The following MTRF1 variants were observed in gnomAD, a reference collection of about 807,000 sequenced individuals.
MTRF1 encodes peptide chain release factor 1, mitochondrial.
Under a neutral mutation model 62.9 loss-of-function variants are expected in MTRF1, and 51 were observed. The observed-to-expected ratio is 0.81, with a 90% CI of 0.65 to 1.02. MTRF1 has a LOEUF of 1.02. Among genes scored for constraint, MTRF1 ranks in the 50% least tolerant of loss-of-function variants. The pLI is 0.00. For missense variants in MTRF1, 446 were observed against 530.0 expected, an observed-to-expected ratio of 0.84 and a Z score of 1.56; for synonymous variants, 158 against 181.9, an observed-to-expected ratio of 0.87 and a Z score of 1.06.
chr13:41,242,972 GC>G lies in MTRF1; in HGVS notation c.698-2540del, dbSNP rs2037727816. On this transcript the variant is annotated intron_variant, in intron 5 of 9. Coordinates refer to ENST00000379480, the MANE Select transcript of MTRF1 (RefSeq NM_004294.4). ...GCTGTGGCTCACACCTGTAGTCCCAGCACTTTGGGAGGCCGAGGCGGGCAGA... is the reference window on the plus strand; with the variant it reads ...GCTGTGGCTCACACCTGTAGTCCCAGACTTTGGGAGGCCGAGGCGGGCAGA... 2.6e-5 allele frequency among the ~76,000 whole-genome samples: 4 copies of G among 152,244 alleles called. No homozygotes were observed. The South Asian group carries it at 8.3e-4, about 32-fold the overall frequency.
At chr13:41,273,286 A>G in the MTRF1 span, among the ~76,000 whole-genome samples, 8 of 151,282 alleles carry the variant, frequency 5.3e-5, no homozygotes, top group Non-Finnish European at 1.0e-4. Context: ...AGATCGCGCC[A>G]CTGCACTCCA....
At chr13:41,289,507 A>G in the MTRF1 span, among the ~76,000 whole-genome samples, 5 of 152,322 alleles carry the variant, frequency 3.3e-5, no homozygotes, top group East Asian at 9.6e-4. Context: ...AAGTGCTAGG[A>G]TTACAGGCGT....
Position 41,240,370 on chromosome 13 carries a change from T to C in MTRF1, c.761A>G (p.Glu254Gly), listed in dbSNP as rs759875454. 3.3e-5 allele frequency: 54 copies of C among 1,613,692 alleles called. No individual in the cohort carries two copies. In the South Asian group the frequency reaches 5.5e-4, roughly 16 times the overall value. ...GDGVYKHLKY[E>G]GGIHRVQRIP... ...GCGCTGAACTCGGTGAATCCCACCC[T>C]CATACTTCAAATGCTTATAGACACC... Residue 254 changes from glutamate (E) to glycine (G), a missense_variant, in exon 6 of 10, where the codon GAG (glutamate) becomes GGG (glycine). Physicochemically the swap from Glu to Gly is moderately conservative, Grantham distance 98 (BLOSUM62 -2). Coordinates refer to ENST00000379480, the MANE Select transcript of MTRF1 (RefSeq NM_004294.4).
At chr13:41,221,411 G>T (rs2033338080) in intron 9 of MTRF1, among the ~76,000 whole-genome samples, 1 of 152,008 alleles carries the variant, frequency 6.6e-6, no homozygotes, top group African/African-American at 2.4e-5. Flanking sequence ...GCCCACCTCG[G>T]CCTCCCAAAG....
chr13:41,246,237 T>C (rs773983277), intron 5 of MTRF1, among the ~76,000 whole-genome samples: 17 of 152,134 alleles, frequency 1.1e-4, no homozygotes, highest in Admixed American at 9.8e-4. Flanking sequence ...TCTATGGCAA[T>C]TGGTGGTTTG....
intron 9 of MTRF1, among the ~76,000 whole-genome samples, chr13:41,222,952 T>C (rs1337562493): frequency 5.3e-5 from 8 of 152,226 alleles, no homozygotes; most frequent in African/African-American, 1.9e-4. Context: ...TGGTAATTTG[T>C]TACCTGTCAA....
chr13:41,226,330 C>T, intron 8 of MTRF1, 102 bp downstream of exon 8: 1 of 1,207,384 alleles, frequency 8.3e-7, no homozygotes. Flanking sequence ...TTTCTCTATG[C>T]TCTAAAACAT....
chr13:41,239,078 G>A (rs1433324018), intron 6 of MTRF1, among the ~76,000 whole-genome samples: 1 of 151,638 alleles, frequency 6.6e-6, no homozygotes, highest in East Asian at 1.9e-4. Flanking sequence ...ATTGTAATGT[G>A]TGAAACTTGA....
chr13:41,283,739 G>A, the MTRF1 span, among the ~76,000 whole-genome samples: 94 of 151,192 alleles, frequency 6.2e-4, no homozygotes, highest in African/African-American at 2.0e-3. Context: ...ACAGGCGCCC[G>A]CCACTACGCC....
chr13:41,311,500 C>T, the MTRF1 span: 22 of 1,579,170 alleles, frequency 1.4e-5, no homozygotes, highest in Non-Finnish European at 1.6e-5. Context: ...AGCCTCCCTG[C>T]CGGCCACCTA....
the MTRF1 span, among the ~76,000 whole-genome samples, chr13:41,279,362 C>A: frequency 6.6e-6 from 1 of 152,238 alleles, no homozygotes; most frequent in Admixed American, 6.5e-5. Context: ...GCATCATCTG[C>A]ATGATAAAAC....
the MTRF1 span, among the ~76,000 whole-genome samples, chr13:41,298,793 G>A: frequency 6.6e-6 from 1 of 152,126 alleles, no homozygotes; most frequent in Non-Finnish European, 1.5e-5. Context: ...CTCCTCTAAT[G>A]AACACAAGGT....
At chr13:41,227,470 C>T (rs1439912772) in intron 7 of MTRF1, among the ~76,000 whole-genome samples, 1 of 152,132 alleles carries the variant, frequency 6.6e-6, no homozygotes, top group African/African-American at 2.4e-5. Context: ...TCTAACCTCA[C>T]ACAAGTTTTG....
Position 41,217,228 on chromosome 13 carries a change from C to A in MTRF1, c.1225G>T (p.Glu409Ter). 6.3e-7 allele frequency: 1 copy of A among 1,583,276 alleles called. No individual in the cohort carries two copies. The highest frequency in any genetic ancestry group is 1.2e-5 in the South Asian group (1 of 86,908). The part of the protein sequence containing the change: ...RIAYEVRDIK[E>*]FLCGGKGLDQ... The stretch of plus-strand genomic sequence containing the variant: ...AGGCCCTTCCCACCACATAAAAATT[C>A]CTGGTAAAAGAGAGAGCTATTATGA... Residue 409 changes from glutamate to a stop codon, truncating the protein, a stop_gained and splice_region_variant, in exon 10 of 10, where the codon GAA (glutamate) becomes TAA (stop). Transcript: ENST00000379480. LOFTEE classifies it high-confidence loss of function.
chr13:41,308,111 G>A, the MTRF1 span, among the ~76,000 whole-genome samples: 1 of 152,098 alleles, frequency 6.6e-6, no homozygotes, highest in Non-Finnish European at 1.5e-5. Flanking sequence ...TGATTTAGGG[G>A]TTGGGGAGAG....
the MTRF1 span, among the ~76,000 whole-genome samples, chr13:41,306,555 G>A: frequency 1.3e-5 from 2 of 152,206 alleles, no homozygotes; most frequent in African/African-American, 4.8e-5. Context: ...ATTTTAGGTT[G>A]CCAGCTGGCT....
intron 3 of MTRF1, 37 bp downstream of exon 3, chr13:41,254,492 C>G (rs565247334): frequency 1.4e-6 from 2 of 1,471,880 alleles, no homozygotes; most frequent in South Asian, 1.2e-5. Flanking sequence ...TTCCTTTATA[C>G]AGCACTATTG....
chr13:41,276,679 T>C, the MTRF1 span, among the ~76,000 whole-genome samples: 1 of 152,172 alleles, frequency 6.6e-6, no homozygotes, highest in Non-Finnish European at 1.5e-5. Flanking sequence ...ATTTAGTTTA[T>C]AGTTTAAATG....
chr13:41,241,679 T>C (rs963795905), intron 5 of MTRF1, among the ~76,000 whole-genome samples: 11 of 152,246 alleles, frequency 7.2e-5, no homozygotes, highest in Admixed American at 6.5e-5. Flanking sequence ...TCATCATCCA[T>C]TGCTTTCATT....
Sources: gnomAD v4.1 joint callset for allele counts (sites outside exome capture counted in the v4.1 genomes callset) on GRCh38, gnomAD v4.1.1 for gene constraint, MANE v1.5 for transcripts, NCBI Gene and HGNC (gene_info 2026-07-23, HGNC 2026-07-21) for gene names.